Variants in DCAF8L2 observed in about 807,000 individuals in gnomAD.
DCAF8L2 encodes the protein DDB1 and CUL4 associated factor 8 like 2.
For missense variants in DCAF8L2, 430 were observed against 490.7 expected (o/e 0.88, Z 1.17); for synonymous variants, 200 against 190.9 (o/e 1.05, Z -0.39).
rs1394734882 is a variant in DCAF8L2 at position 27,619,578 on chromosome X, A to AAAG, written c.-341-12300_-341-12298dup. Among the ~76,000 whole-genome samples, 3 of 111,955 alleles carry AAAG rather than the reference A, an allele frequency of 2.7e-5. No individual in the cohort carries two copies. The Admixed American group carries it at 2.9e-4, about 11-fold the overall frequency. ...AGTTGGCACAGAAGTCAGGAAAAGTAAAGGGAAATTCAAAGAAGCTAGTGT... is the reference window on the plus strand; with the variant it reads ...AGTTGGCACAGAAGTCAGGAAAAGTAAAGAAGGGAAATTCAAAGAAGCTAGTGT... On this transcript the variant is annotated intron_variant, in intron 1 of 4. Transcript: ENST00000451261.
intron 1 of DCAF8L2, among the ~76,000 whole-genome samples, chrX:27,595,736 G>A (rs1264378139): frequency 2.7e-5 from 3 of 112,163 alleles, no homozygotes; most frequent in South Asian, 3.7e-4. Flanking sequence ...GGCCGAGTGC[G>A]GTGGCTCATG....
At chrX:27,483,492 G>A in the DCAF8L2 span, among the ~76,000 whole-genome samples, 1 of 111,663 alleles carries the variant, frequency 9.0e-6, no homozygotes, top group South Asian at 3.7e-4. Context: ...TTAAATTATA[G>A]TACATCAAAT....
intron 2 of DCAF8L2, among the ~76,000 whole-genome samples, chrX:27,652,673 A>G (rs1002722888): frequency 8.9e-6 from 1 of 112,216 alleles, no homozygotes; most frequent in African/African-American, 3.2e-5. Context: ...CACTAATTCA[A>G]TCAATGAAAA....
intron 4 of DCAF8L2, among the ~76,000 whole-genome samples, chrX:27,723,992 A>G (rs901472363): frequency 1.8e-5 from 2 of 110,914 alleles, no homozygotes; most frequent in Non-Finnish European, 3.8e-5. Flanking sequence ...TTTTTTCCTA[A>G]GAAATGAAGC....
chrX:27,670,469 A>C (rs1929910634), intron 2 of DCAF8L2, among the ~76,000 whole-genome samples: 1 of 111,285 alleles, frequency 9.0e-6, no homozygotes, highest in Non-Finnish European at 1.9e-5. Context: ...CTTCCCATGA[A>C]GTGGGTTGTT....
the DCAF8L2 span, among the ~76,000 whole-genome samples, chrX:27,577,225 T>C: frequency 8.9e-6 from 1 of 111,829 alleles, no homozygotes; most frequent in African/African-American, 3.2e-5. Context: ...TCAATTACAA[T>C]TAGAAAAGCC....
chrX:27,633,768 A>G (rs1928386819), intron 2 of DCAF8L2: 1 of 112,154 alleles, frequency 8.9e-6, no homozygotes, highest in Non-Finnish European at 1.9e-5. Context: ...CTTTGAGTCC[A>G]TAATAAATCT....
chrX:27,564,888 G>A, the DCAF8L2 span, among the ~76,000 whole-genome samples: 1 of 109,331 alleles, frequency 9.1e-6, no homozygotes, highest in Non-Finnish European at 1.9e-5. Context: ...GTGTCCCTAT[G>A]TGCTGGTCCC....
upstream of DCAF8L2, chrX:27,590,266 T>C (rs1035373358): frequency 9.0e-6 from 1 of 111,291 alleles, no homozygotes; most frequent in Non-Finnish European, 1.9e-5. Flanking sequence ...AATGGTGCAT[T>C]TGGATACTTT....
chrX:27,608,502 G>C (rs974466033), intron 1 of DCAF8L2, among the ~76,000 whole-genome samples: 4 of 111,184 alleles, frequency 3.6e-5, no homozygotes, highest in African/African-American at 1.3e-4. Flanking sequence ...CATGATGGAG[G>C]ATAACTCCAG....
chrX:27,594,199 A>C (rs1389730053), intron 1 of DCAF8L2, among the ~76,000 whole-genome samples: 1 of 111,792 alleles, frequency 8.9e-6, no homozygotes, highest in Non-Finnish European at 1.9e-5. Context: ...TTACAAAGTC[A>C]GGCAATAAAA....
At chrX:27,497,803 G>T in the DCAF8L2 span, among the ~76,000 whole-genome samples, 2 of 111,550 alleles carry the variant, frequency 1.8e-5, no homozygotes, top group East Asian at 5.7e-4. Context: ...TCCTGACCTC[G>T]TGATCTGCCC....
intron 1 of DCAF8L2, among the ~76,000 whole-genome samples, chrX:27,595,687 G>A (rs1907016087): frequency 8.9e-6 from 1 of 111,985 alleles, no homozygotes; most frequent in South Asian, 3.7e-4. Context: ...CAGGGTTGTA[G>A]CCTCAAGTTT....
intron 1 of DCAF8L2, among the ~76,000 whole-genome samples, chrX:27,595,966 T>C (rs1926338921): frequency 9.0e-6 from 1 of 111,396 alleles, no homozygotes; most frequent in African/African-American, 3.3e-5. Flanking sequence ...GAAGCAGAGG[T>C]TGCAGGGAGG....
the DCAF8L2 span, among the ~76,000 whole-genome samples, chrX:27,553,193 G>C: frequency 1.8e-5 from 2 of 111,200 alleles, no homozygotes; most frequent in African/African-American, 6.5e-5. Context: ...CTATATATAT[G>C]ACCATGTGCT....
At chrX:27,591,963 C>T (rs1469707215) in intron 1 of DCAF8L2, among the ~76,000 whole-genome samples, 1 of 112,643 alleles carries the variant, frequency 8.9e-6, no homozygotes, top group Non-Finnish European at 1.9e-5. Context: ...GCCTGGTTGT[C>T]GTCCATCCTG....
At position 27,747,323 on chromosome X, in the gene DCAF8L2, AGG is replaced by A. The variant is rs1491499307; in HGVS notation, c.429_430del (p.Glu144GlyfsTer17). ...GAGGAGGAGGAGGAGGAGGAGGAGG[AGG>A]AGGAAGAAGAACAGCCTCGGGCGGG... On this transcript the variant is annotated frameshift_variant, in exon 5 of 5. Transcript: ENST00000451261. LOFTEE classifies it low-confidence loss of function (END_TRUNC). 1.4e-4 allele frequency: 164 copies of A among 1,143,269 alleles called. 1 individual carries two copies. Among genetic ancestry groups the A allele is most frequent in the Admixed American group, 9.4e-4 (35 of 37,157 alleles). 94.2% of individuals were successfully genotyped at this position (1,143,269 alleles called of 1,213,427 possible).
At chrX:27,480,264 T>C in the DCAF8L2 span, among the ~76,000 whole-genome samples, 1 of 112,568 alleles carries the variant, frequency 8.9e-6, no homozygotes, top group Non-Finnish European at 1.9e-5. Context: ...AAAATGGATA[T>C]TAATCATGAA....
At chrX:27,711,468 T>C (rs1931532318) in intron 3 of DCAF8L2, among the ~76,000 whole-genome samples, 1 of 107,988 alleles carries the variant, frequency 9.3e-6, no homozygotes, top group Admixed American at 1.0e-4. Context: ...GAAGTGCTTA[T>C]ATGTGTATAT....
Sources: allele counts gnomAD v4.1 joint callset (sites outside exome capture counted in the v4.1 genomes callset), GRCh38; gene constraint gnomAD v4.1.1; transcripts MANE v1.5; gene names NCBI Gene and HGNC (gene_info 2026-07-23, HGNC 2026-07-21).